PPP2R2C: variants seen among roughly 807,000 people sequenced by gnomAD.
The protein encoded by PPP2R2C is protein phosphatase 2, regulatory subunit B, gamma.
In PPP2R2C, 10 loss-of-function variants were observed where a neutral mutation model predicts 45.3. The ratio of observed to expected loss-of-function variants is 0.22; its 90% confidence interval spans 0.14 to 0.37. The LOEUF (loss-of-function observed/expected upper bound fraction) is 0.37. Ranked by LOEUF, PPP2R2C falls within the 10% of genes least tolerant of loss-of-function variation. The pLI, the probability that PPP2R2C is intolerant of heterozygous loss-of-function variation, is 1.00. For synonymous variants in PPP2R2C, 257 were observed against 245.4 expected, an observed-to-expected ratio of 1.05 and a Z score of -0.44; for missense variants, 308 against 619.7, an observed-to-expected ratio of 0.50 and a Z score of 5.34.
At chr4:6,415,149 T>C (rs1718487945) in intron 1 of PPP2R2C, among the ~76,000 whole-genome samples, 3 of 152,216 alleles carry the variant, frequency 2.0e-5, no homozygotes, top group Admixed American at 2.0e-4. Context: ...CTGGAGGACC[T>C]GCCAGGGCCT....
At chr4:6,348,601 C>A in intron 5 of PPP2R2C, 1 of 975,702 alleles carries the variant, frequency 1.0e-6, no homozygotes, top group Non-Finnish European at 1.2e-6. Flanking sequence ...TGGGTCGGCC[C>A]CACCTCGGCT....
At chr4:6,395,534 G>C (rs1716961865) in intron 1 of PPP2R2C, among the ~76,000 whole-genome samples, 1 of 152,220 alleles carries the variant, frequency 6.6e-6, no homozygotes, top group African/African-American at 2.4e-5. Context: ...GTCTGCTAGA[G>C]GGTGACAGTC....
chr4:6,543,218 C>T (rs1724863790), intron 1 of PPP2R2C, among the ~76,000 whole-genome samples: 1 of 152,228 alleles, frequency 6.6e-6, no homozygotes, highest in African/African-American at 2.4e-5. Flanking sequence ...CAGTCAGCCA[C>T]AGCTGTCAAT....
At chr4:6,518,922 T>TAA (rs56002128) in intron 2 of PPP2R2C, among the ~76,000 whole-genome samples, 962 of 92,282 alleles carry the variant, frequency 0.01, 8 homozygotes, top group Non-Finnish European at 0.014. Context: ...GACTCTGTCT[T>TAA]AAAAAAAAAA....
chr4:6,402,059 A>T (rs1055429802), intron 1 of PPP2R2C, among the ~76,000 whole-genome samples: 1 of 152,192 alleles, frequency 6.6e-6, no homozygotes, highest in Admixed American at 6.5e-5. Flanking sequence ...TGTGGTAAGG[A>T]TCAACTACCT....
intron 5 of PPP2R2C, chr4:6,350,882 G>GT: frequency 1.0e-6 from 1 of 985,430 alleles, no homozygotes; most frequent in African/African-American, 1.7e-5. Context: ...GAGGTGTGAA[G>GT]TGGGTGTTTG....
At chr4:6,326,794 C>T (rs7654138) in intron 8 of PPP2R2C, among the ~76,000 whole-genome samples, 3 of 152,342 alleles carry the variant, frequency 2.0e-5, no homozygotes, top group Non-Finnish European at 4.4e-5. Context: ...TGCCCATCTG[C>T]GTTCTGCCGG....
chr4:6,374,061 G>A (rs1226707990), intron 4 of PPP2R2C, among the ~76,000 whole-genome samples: 2 of 152,000 alleles, frequency 1.3e-5, no homozygotes, highest in Non-Finnish European at 2.9e-5. Flanking sequence ...CTCCCTGCAC[G>A]TATTCCTGTG....
chr4:6,499,342 C>A (rs1200050222), intron 2 of PPP2R2C, among the ~76,000 whole-genome samples: 1 of 152,152 alleles, frequency 6.6e-6, no homozygotes, highest in East Asian at 1.9e-4. Context: ...TGGAGCGCAA[C>A]CCTGCCCCCT....
intron 1 of PPP2R2C, among the ~76,000 whole-genome samples, chr4:6,550,511 C>T (rs536538716): frequency 1.4e-4 from 21 of 152,356 alleles, no homozygotes; most frequent in African/African-American, 4.6e-4. Context: ...GAATGCTTTC[C>T]CCTCATTCTT....
rs6839124 is a variant in PPP2R2C, at chr4:6,406,706, G to A, written c.71-25612C>T. 2.3e-3 allele frequency among the ~76,000 whole-genome samples: 354 copies of A among 152,180 alleles called. 2 individuals carry two copies. The highest frequency in any genetic ancestry group is 7.7e-3 in the African/African-American group (320 of 41,494). On this transcript the variant is annotated intron_variant, in intron 1 of 8. Transcript: ENST00000382599. The stretch of plus-strand genomic sequence containing the variant: ...TGGGAGGCGGAGGCTGCAGTGAGCC[G>A]AGATCGCACCACTGCACTCCAGCCA...
At chr4:6,410,397 CGAGT>C (rs1718085562) in intron 1 of PPP2R2C, among the ~76,000 whole-genome samples, 2 of 152,090 alleles carry the variant, frequency 1.3e-5, no homozygotes, top group African/African-American at 4.8e-5. Flanking sequence ...GTGGTGGCCA[CGAGT>C]GAGTAACTGG....
chr4:6,367,273 T>A (rs1412106658), intron 5 of PPP2R2C, among the ~76,000 whole-genome samples: 33 of 152,224 alleles, frequency 2.2e-4, no homozygotes, highest in Admixed American at 2.1e-3. Flanking sequence ...TCCATTTTGC[T>A]GAGACGGGAA....
At position 6,324,973 on chromosome 4, in the gene PPP2R2C, C is replaced by T. The variant is rs1731831640; in HGVS notation, c.1053-1380G>A. Among the ~76,000 whole-genome samples, 2 of 152,178 alleles carry T rather than the reference C, an allele frequency of 1.3e-5. No homozygotes were observed. The highest frequency in any genetic ancestry group is 4.8e-5 in the African/African-American group (2 of 41,440). On this transcript the variant is annotated intron_variant, in intron 8 of 8. Transcript: ENST00000382599. The surrounding 1 kb of genome is among the most constrained non-coding windows in gnomAD (Gnocchi z 4.1). ...GCTCTTCAGGGAGGAAATCCTGTTT[C>T]CTTTTGGAAGCTGAGCTGGGCTTCC...
At chr4:6,346,091 C>A (rs1444132503) in intron 6 of PPP2R2C, among the ~76,000 whole-genome samples, 1 of 152,186 alleles carries the variant, frequency 6.6e-6, no homozygotes, top group Admixed American at 6.5e-5. Flanking sequence ...AAGCAACATC[C>A]AGAGGGGGCA....
intron 1 of PPP2R2C, among the ~76,000 whole-genome samples, chr4:6,390,456 C>T (rs1237961594): frequency 6.6e-6 from 1 of 152,228 alleles, no homozygotes; most frequent in African/African-American, 2.4e-5. Context: ...GGCCCATCCC[C>T]AGGCTCCCTT....
chr4:6,415,892 A>G (rs903142649), intron 1 of PPP2R2C, among the ~76,000 whole-genome samples: 4 of 152,182 alleles, frequency 2.6e-5, no homozygotes, highest in Non-Finnish European at 4.4e-5. Flanking sequence ...TGGTGAAAGC[A>G]TTCTTCTTCT....
At chr4:6,376,744 G>A (rs887993768) in intron 3 of PPP2R2C, among the ~76,000 whole-genome samples, 4 of 152,298 alleles carry the variant, frequency 2.6e-5, no homozygotes, top group East Asian at 1.9e-4. Context: ...ATGAGCCACC[G>A]CATGTGGCTG....
At chr4:6,476,252 C>T (rs1003999293), upstream of PPP2R2C, among the ~76,000 whole-genome samples, 1 of 152,246 alleles carries the variant, frequency 6.6e-6, no homozygotes, top group Non-Finnish European at 1.5e-5. Context: ...CTAGCCACCT[C>T]TCGAGGCCTC....
Sources: allele counts gnomAD v4.1 joint callset (sites outside exome capture counted in the v4.1 genomes callset), GRCh38; gene constraint gnomAD v4.1.1; non-coding constraint Gnocchi (gnomAD v3.1); transcripts MANE v1.5; gene names NCBI Gene and HGNC (gene_info 2026-07-23, HGNC 2026-07-21).